The following CTNNA3 variants were observed in gnomAD, a reference collection of about 807,000 sequenced individuals.
CTNNA3 encodes the protein catenin alpha-3.
Under a neutral mutation model 95.7 loss-of-function variants are expected in CTNNA3, and 76 were observed. The ratio of observed to expected loss-of-function variants is 0.79; its 90% CI spans 0.66 to 0.96. The LOEUF (loss-of-function observed/expected upper bound fraction) is 0.96. CTNNA3 is among the 40% of genes least tolerant of loss of function. The pLI is 0.00. For synonymous variants in CTNNA3, 431 were observed against 374.4 expected, an observed-to-expected ratio of 1.15 and a Z score of -1.74; for missense variants, 1,191 against 1,089.8, an observed-to-expected ratio of 1.09 and a Z score of -1.31.
chr10:67,012,802 T>G (rs528267703), intron 7 of CTNNA3, among the ~76,000 whole-genome samples: 6 of 152,306 alleles, frequency 3.9e-5, no homozygotes, highest in South Asian at 4.1e-4. Flanking sequence ...TTGTTAAAGT[T>G]TTATTAAAAG....
At chr10:67,461,268 C>T (rs1847363019) in intron 5 of CTNNA3, among the ~76,000 whole-genome samples, 1 of 152,054 alleles carries the variant, frequency 6.6e-6, no homozygotes, top group South Asian at 2.1e-4. Flanking sequence ...AGTGAGTCTT[C>T]AGAGTAGAAC....
intron 11 of CTNNA3, among the ~76,000 whole-genome samples, chr10:66,519,680 T>C (rs1840989187): frequency 6.6e-6 from 1 of 152,154 alleles, no homozygotes; most frequent in African/African-American, 2.4e-5. Flanking sequence ...TTTGCTTCAA[T>C]TTGTTCCACA....
intron 13 of CTNNA3, among the ~76,000 whole-genome samples, chr10:66,278,324 G>T (rs1407502355): frequency 2.6e-5 from 4 of 151,534 alleles, no homozygotes; most frequent in Non-Finnish European, 4.4e-5. Flanking sequence ...TTTGACATTG[G>T]ACAGGCACTA....
chr10:66,297,594 T>C (rs536621431), intron 12 of CTNNA3, among the ~76,000 whole-genome samples: 5 of 152,302 alleles, frequency 3.3e-5, no homozygotes, highest in East Asian at 1.9e-4. Context: ...GTCTCAAATA[T>C]GCTCAGCCTC....
intron 10 of CTNNA3, among the ~76,000 whole-genome samples, chr10:66,568,263 C>T (rs1426302532): frequency 6.6e-6 from 1 of 152,116 alleles, no homozygotes; most frequent in Non-Finnish European, 1.5e-5. Context: ...GCTGAGAGTG[C>T]TTCATTGAAA....
intron 10 of CTNNA3, among the ~76,000 whole-genome samples, chr10:66,547,605 G>T (rs1842079913): frequency 6.6e-6 from 1 of 151,784 alleles, no homozygotes; most frequent in Non-Finnish European, 1.5e-5. Flanking sequence ...GCCTCCCAAA[G>T]TGCTGGGATT....
intron 13 of CTNNA3, among the ~76,000 whole-genome samples, chr10:66,123,040 C>A (rs1419358136): frequency 6.6e-6 from 1 of 152,138 alleles, no homozygotes; most frequent in Non-Finnish European, 1.5e-5. Flanking sequence ...CATTTAAAAA[C>A]CAATCATGCC....
intron 7 of CTNNA3, among the ~76,000 whole-genome samples, chr10:67,161,622 A>G (rs1861554976): frequency 6.6e-6 from 1 of 152,048 alleles, no homozygotes; most frequent in African/African-American, 2.4e-5. Flanking sequence ...AATTAAAAAC[A>G]GAGGGAACAA....
intron 7 of CTNNA3, among the ~76,000 whole-genome samples, chr10:66,778,421 A>G (rs949276628): frequency 1.3e-5 from 2 of 152,210 alleles, no homozygotes; most frequent in East Asian, 3.8e-4. Context: ...CAAGAGATGG[A>G]AATGGCAGGA....
chr10:66,501,545 T>G (rs926602240), intron 11 of CTNNA3, among the ~76,000 whole-genome samples: 4 of 152,174 alleles, frequency 2.6e-5, no homozygotes, highest in African/African-American at 9.6e-5. Context: ...ATTTGTTGAC[T>G]GACACAATAA....
At chr10:66,568,223 T>C (rs1289470339) in intron 10 of CTNNA3, among the ~76,000 whole-genome samples, 1 of 152,184 alleles carries the variant, frequency 6.6e-6, no homozygotes, top group Non-Finnish European at 1.5e-5. Context: ...TCATCTATTA[T>C]AGCCAAACTG....
intron 7 of CTNNA3, among the ~76,000 whole-genome samples, chr10:67,127,939 T>C (rs2132010916): frequency 6.6e-6 from 1 of 152,162 alleles, no homozygotes; most frequent in East Asian, 1.9e-4. Context: ...AGAGCTTGGG[T>C]TTAATCGTTC....
chr10:66,145,991 C>T lies in CTNNA3; in HGVS notation c.1885-42742G>A, dbSNP rs2083866873. ...GCCTCAGCCTCCCGAGTAGCTGGGA[C>T]TATAGGCACGCGCCACCAAGCCCTG... On this transcript the variant is annotated intron_variant, in intron 13 of 17. Coordinates refer to ENST00000433211, the MANE Select transcript of CTNNA3 (RefSeq NM_013266.4). Among the ~76,000 whole-genome samples the T allele has an allele frequency of 2.6e-5, 4 of 152,100 alleles. No homozygotes were observed. The South Asian group carries it at 8.3e-4, about 32-fold the overall frequency.
At chr10:66,273,338 T>C (rs2091322419) in intron 13 of CTNNA3, among the ~76,000 whole-genome samples, 1 of 152,118 alleles carries the variant, frequency 6.6e-6, no homozygotes, top group African/African-American at 2.4e-5. Context: ...CAGGACAGAA[T>C]GGAACAGCAT....
At chr10:67,120,641 A>G (rs569016164) in intron 7 of CTNNA3, among the ~76,000 whole-genome samples, 9 of 152,168 alleles carry the variant, frequency 5.9e-5, no homozygotes, top group African/African-American at 1.7e-4. Flanking sequence ...ACCCTCCTGC[A>G]TGACAAGGAG....
chr10:66,722,670 G>T (rs919826454), intron 9 of CTNNA3, among the ~76,000 whole-genome samples: 19 of 151,796 alleles, frequency 1.3e-4, no homozygotes, highest in African/African-American at 4.6e-4. Flanking sequence ...CAAATTTGTG[G>T]TTCTAAAGCT....
chr10:67,677,331 C>T (rs1326421331), intron 1 of CTNNA3, among the ~76,000 whole-genome samples: 1 of 152,118 alleles, frequency 6.6e-6, no homozygotes, highest in Non-Finnish European at 1.5e-5. Flanking sequence ...TAAGTATGCC[C>T]TATGCAATAT....
chr10:66,157,003 T>C (rs569184093), intron 13 of CTNNA3, among the ~76,000 whole-genome samples: 1 of 152,000 alleles, frequency 6.6e-6, no homozygotes, highest in Non-Finnish European at 1.5e-5. Flanking sequence ...TCATTTGCAT[T>C]TGGGTTTTGG....
At chr10:66,801,090 G>A (rs1292823702) in intron 7 of CTNNA3, among the ~76,000 whole-genome samples, 1 of 151,370 alleles carries the variant, frequency 6.6e-6, no homozygotes, top group African/African-American at 2.4e-5. Flanking sequence ...GGAGCACTAA[G>A]TTGTTCTCCA....
Sources: allele counts gnomAD v4.1 joint callset (sites outside exome capture counted in the v4.1 genomes callset), GRCh38; gene constraint gnomAD v4.1.1; transcripts MANE v1.5; gene names NCBI Gene and HGNC (gene_info 2026-07-23, HGNC 2026-07-21).